GPR142: variants seen among roughly 807,000 people sequenced by gnomAD.
The protein encoded by GPR142 is G protein-coupled receptor 142.
A neutral mutation model predicts 10.6 loss-of-function variants in GPR142; 9 were observed. That is an observed-to-expected ratio of 0.85 (90% CI 0.51 to 1.48). The LOEUF (loss-of-function observed/expected upper bound fraction) is 1.48. GPR142 is among the 40% of genes most tolerant of loss of function. GPR142 has a pLI of 0.00. For synonymous variants in GPR142, 202 were observed against 221.2 expected, an observed-to-expected ratio of 0.91 and a Z score of 0.77; for missense variants, 482 against 506.0, an observed-to-expected ratio of 0.95 and a Z score of 0.45.
intron 3 of GPR142, 108 bp from the exon 4 acceptor site, chr17:74,371,621 C>T (rs1375317992): frequency 2.0e-5 from 23 of 1,167,810 alleles, no homozygotes; most frequent in Middle Eastern, 2.9e-4. Context: ...GAGAAGCCAG[C>T]GCAGCCTCTG....
At position 74,371,771 on chromosome 17, in the gene GPR142, G is replaced by A. The variant is rs1276691186; in HGVS notation, c.296G>A (p.Arg99Lys). The A allele has an allele frequency of 1.9e-6, 3 of 1,610,926 alleles. No individual in the cohort carries two copies. Among genetic ancestry groups the A allele is most frequent in the Non-Finnish European group, 1.7e-6 (2 of 1,178,976 alleles). Residue 99 changes from arginine to lysine, a missense_variant, in exon 4 of 4, where the codon AGG (arginine) becomes AAG (lysine). Coordinates refer to ENST00000582579, the MANE Select transcript of GPR142 (RefSeq NM_001331076.1). The stretch of plus-strand genomic sequence containing the variant: ...GTGGCCCTGGCGCGCCTTGCCACCA[G>A]GACCAGGAGGCCCTCCTACTACTAC... ...TAVALARLAT[R>K]TRRPSYYYLL...
chr17:74,371,727 A>G lies in GPR142; in HGVS notation c.254-2A>G. On this transcript the variant is annotated splice_acceptor_variant, in intron 3 of 3. Transcript: ENST00000582579. LOFTEE classifies it high-confidence loss of function. Reference sequence around the variant, plus strand: ...CCCCTCCCTCACCTCGGCTGCCCTCAGTCAGCCTCCTGACCGCAGTGGCCC... The same window carrying G: ...CCCCTCCCTCACCTCGGCTGCCCTCGGTCAGCCTCCTGACCGCAGTGGCCC... The G allele has an allele frequency of 1.3e-6, 2 of 1,591,744 alleles. No homozygotes were observed. Among genetic ancestry groups the G allele is most frequent in the Non-Finnish European group, 1.7e-6 (2 of 1,167,976 alleles).
chr17:74,369,207 C>T (rs1298766190), intron 1 of GPR142, among the ~76,000 whole-genome samples: 1 of 152,072 alleles, frequency 6.6e-6, no homozygotes, highest in Non-Finnish European at 1.5e-5. Flanking sequence ...GAGGCAGCCC[C>T]CCAGAACCCC....
intron 3 of GPR142, among the ~76,000 whole-genome samples, chr17:74,371,165 T>TTTTTG: frequency 6.8e-6 from 1 of 147,892 alleles, no homozygotes; most frequent in Non-Finnish European, 1.5e-5. Context: ...GTAGCTTTTT[T>TTTTTG]TTTTTTTTTG....
At chr17:74,368,894 C>T (rs1050241032) in intron 1 of GPR142, among the ~76,000 whole-genome samples, 6 of 152,150 alleles carry the variant, frequency 3.9e-5, no homozygotes, top group African/African-American at 7.2e-5. Flanking sequence ...ACCCTGTGCA[C>T]GGCTGCCTGC....
In GPR142 at chr17:74,369,592, G is replaced by A. The variant is rs1299551255; in HGVS notation, c.52G>A (p.Asp18Asn). 1.3e-6 allele frequency: 2 copies of A among 1,551,614 alleles called. No individual in the cohort carries two copies. Among genetic ancestry groups the A allele is most frequent in the Admixed American group, 3.9e-5 (2 of 50,964 alleles). The change falls in exon 2 of 4, where the codon GAC becomes AAC. Residue 18 changes from aspartate (D) to asparagine (N), a missense_variant. By Grantham distance (23) the Asp-to-Asn change is conservative. Coordinates refer to ENST00000582579, the MANE Select transcript of GPR142 (RefSeq NM_001331076.1). ...TCAGAAAAAGCCACAGGTGACCCAG[G>A]ACTCAGGGCCCCAGAGCATGGGGCT... ...DPQKKPQVTQ[D>N]SGPQSMGLEG...
intron 3 of GPR142, among the ~76,000 whole-genome samples, chr17:74,370,907 C>T (rs2055019025): frequency 6.6e-6 from 1 of 152,170 alleles, no homozygotes; most frequent in Non-Finnish European, 1.5e-5. Flanking sequence ...AGTGAGCGCA[C>T]TCTTAGGATA....
In GPR142 at chr17:74,367,584, G is replaced by A. The variant is rs2054990196; in HGVS notation, c.-284G>A. 6.2e-7 allele frequency: 1 copy of A among 1,614,056 alleles called. No homozygotes were observed. Among genetic ancestry groups the A allele is most frequent in the East Asian group, 2.2e-5 (1 of 44,892 alleles). ...CCTGCAGGACATCACTGCTGTCCTG[G>A]GTACAGAAGCATATACTGAGGAAGA... On this transcript the variant is annotated 5_prime_UTR_variant, in exon 1 of 4. Coordinates refer to ENST00000582579, the MANE Select transcript of GPR142 (RefSeq NM_001331076.1).
At chr17:74,368,484 G>A (rs142774845) in intron 1 of GPR142, among the ~76,000 whole-genome samples, 1 of 152,280 alleles carries the variant, frequency 6.6e-6, no homozygotes, top group East Asian at 1.9e-4. Flanking sequence ...TCCGAGGGGG[G>A]GTTGGGATGG....
At position 74,371,622 on chromosome 17, in the gene GPR142, G is replaced by A. The variant is rs531615720; in HGVS notation, c.254-107G>A. The A allele has an allele frequency of 3.0e-4, 350 of 1,170,980 alleles. 2 individuals are homozygous for A. Among genetic ancestry groups the A allele is most frequent in the Middle Eastern group, 1.4e-3 (5 of 3,450 alleles). The allele number at this position is 1,170,980 out of a possible 1,614,324, so 72.5% of individuals were successfully genotyped here. A position where few individuals can be genotyped will look rare whatever the true frequency, so the allele number is the denominator to read the frequency against. Reference sequence around the variant, plus strand: ...GGAAGGAGAAAAAAGAGAAGCCAGCGCAGCCTCTGCACATGCAGATGGGGA... The same window carrying A: ...GGAAGGAGAAAAAAGAGAAGCCAGCACAGCCTCTGCACATGCAGATGGGGA... On this transcript the variant is annotated intron_variant, in intron 3 of 3. Transcript: ENST00000582579.
chr17:74,371,299 G>A (rs1371146719), intron 3 of GPR142, among the ~76,000 whole-genome samples: 2 of 152,002 alleles, frequency 1.3e-5, no homozygotes, highest in Admixed American at 1.3e-4. Context: ...TGGGATTACA[G>A]GCATGCACCA....
intron 2 of GPR142, 129 bp downstream of exon 2, chr17:74,369,763 C>T: frequency 1.1e-6 from 1 of 950,342 alleles, no homozygotes; most frequent in Non-Finnish European, 1.5e-6. Context: ...AGTGAGCCCC[C>T]CGGCCTCAGC....
intron 3 of GPR142, among the ~76,000 whole-genome samples, chr17:74,371,013 G>A (rs1232116371): frequency 1.3e-5 from 2 of 152,172 alleles, no homozygotes; most frequent in Non-Finnish European, 2.9e-5. Context: ...GTGGGTGTGT[G>A]GATATGGGAA....
chr17:74,369,628 G>A lies in GPR142; in HGVS notation c.88G>A (p.Glu30Lys), dbSNP rs1489317078. The A allele has an allele frequency of 3.2e-6, 5 of 1,547,104 alleles. No individual in the cohort carries two copies. The highest frequency in any genetic ancestry group is 4.4e-6 in the Non-Finnish European group (5 of 1,145,718). Residue 30 changes from glutamate (E) to lysine (K), a missense_variant, in exon 2 of 4, where the codon GAG (glutamate) becomes AAG (lysine). Glu to Lys is a moderately conservative substitution (Grantham distance 56, BLOSUM62 1). Coordinates refer to ENST00000582579, the MANE Select transcript of GPR142 (RefSeq NM_001331076.1). ...CCAGAGCATGGGGCTTGAGGGACGA[G>A]AGACAGGTAAGGCATCTTGAAGTGG... ...GPQSMGLEGR[E>K]TAGQPRVTLL... is the part of the protein sequence containing the mutation.
chr17:74,369,615 GC>G lies in GPR142; in HGVS notation c.76del (p.Glu27ArgfsTer11). On this transcript the variant is annotated frameshift_variant, in exon 2 of 4. Transcript: ENST00000582579. LOFTEE classifies it high-confidence loss of function. ...TQDSGPQSMG[L>X]EGRETAGQPR... is the part of the protein sequence containing the mutation. The stretch of plus-strand genomic sequence containing the variant: ...AGGACTCAGGGCCCCAGAGCATGGG[GC>G]TTGAGGGACGAGAGACAGGTAAGGC... 3 of 1,548,948 alleles carry G rather than the reference GC, an allele frequency of 1.9e-6. No homozygotes were observed. The highest frequency in any genetic ancestry group is 1.7e-6 in the Non-Finnish European group (2 of 1,146,260).
intron 1 of GPR142, among the ~76,000 whole-genome samples, chr17:74,368,953 A>G (rs1349774138): frequency 6.6e-6 from 1 of 151,740 alleles, no homozygotes; most frequent in Non-Finnish European, 1.5e-5. Flanking sequence ...TGGCCACTGC[A>G]GGACTGACCC....
intron 3 of GPR142, 108 bp downstream of exon 3, chr17:74,370,787 A>C: frequency 9.4e-7 from 1 of 1,065,730 alleles, no homozygotes. Context: ...TGGATCATAG[A>C]CCCCTGGTCT....
rs1401108868 is a variant in GPR142 at position 74,370,427 on chromosome 17, G to C, written c.95-94G>C. The C allele has an allele frequency of 1.2e-5, 16 of 1,346,328 alleles. No homozygotes were observed. The Admixed American group carries it at 1.8e-4, about 15-fold the overall frequency. 83.4% of individuals were successfully genotyped at this position (1,346,328 alleles called of 1,614,324 possible). On this transcript the variant is annotated intron_variant, in intron 2 of 3. Transcript: ENST00000582579. ...TGACTAGAGGGTCTGCACAGAGCAG[G>C]GTGACTAGAAAGACCCCAGGTCAGG...
At position 74,372,476 on chromosome 17, in the gene GPR142, G is replaced by C; in HGVS notation, c.1001G>C (p.Arg334Pro). The C allele has an allele frequency of 3.1e-6, 5 of 1,613,812 alleles. No homozygotes were observed. The highest frequency in any genetic ancestry group is 4.2e-6 in the Non-Finnish European group (5 of 1,180,054). The change falls in exon 4 of 4, where the codon CGG (arginine) becomes CCG (proline). Residue 334 changes from arginine to proline, a missense_variant. Coordinates refer to ENST00000582579, the MANE Select transcript of GPR142 (RefSeq NM_001331076.1). ...TACTGCTTTGTCAGCAAGACTTTCC[G>C]GGCCACTGTCCGACAGGTCATCCAC... ...GLYCFVSKTFRATVRQVIHDA... is the reference protein window; with the variant it reads ...GLYCFVSKTFPATVRQVIHDA...
Sources: allele counts gnomAD v4.1 joint callset (sites outside exome capture counted in the v4.1 genomes callset), GRCh38; gene constraint gnomAD v4.1.1; transcripts MANE v1.5; gene names NCBI Gene and HGNC (gene_info 2026-07-23, HGNC 2026-07-21).